Variants in EIF3H observed in about 807,000 individuals in gnomAD.
EIF3H encodes the protein eIF-3-gamma.
A neutral mutation model predicts 44.2 loss-of-function variants in EIF3H; 26 were observed. The ratio of observed to expected loss-of-function variants is 0.59; its 90% CI spans 0.43 to 0.82. The LOEUF (loss-of-function observed/expected upper bound fraction) is 0.82, where lower values mean the gene tolerates loss of function less well. Among genes scored for constraint, EIF3H ranks in the 40% least tolerant of loss-of-function variants. The pLI, the probability that EIF3H is intolerant of heterozygous loss-of-function variation, is 0.00. For missense variants in EIF3H, 359 were observed against 432.8 expected (o/e 0.83, Z 1.51); for synonymous variants, 166 against 151.9 (o/e 1.09, Z -0.68).
chr8:116,699,104 A>G (rs1814323978), intron 2 of EIF3H, among the ~76,000 whole-genome samples: 2 of 151,466 alleles, frequency 1.3e-5, no homozygotes, highest in South Asian at 2.1e-4. Context: ...TGCTGAGACC[A>G]TGCCCCAGCA....
At chr8:116,738,034 CAAAAA>C (rs750259420) in intron 1 of EIF3H, among the ~76,000 whole-genome samples, 2 of 68,504 alleles carry the variant, frequency 2.9e-5, no homozygotes, top group African/African-American at 1.0e-4. Flanking sequence ...GGCTCCATCT[CAAAAA>C]AAAAAAAAAA....
At chr8:116,737,428 G>T in intron 1 of EIF3H, 1 of 359,662 alleles carries the variant, frequency 2.8e-6, no homozygotes, top group South Asian at 2.2e-5. Context: ...GGCTGAGGCA[G>T]ACCGATTACC....
chr8:116,648,718 A>G, intron 6 of EIF3H, 88 bp downstream of exon 6: 2 of 1,434,766 alleles, frequency 1.4e-6, no homozygotes, highest in Non-Finnish European at 1.8e-6. Flanking sequence ...ATAATTTACC[A>G]AAGATAATTT....
intron 2 of EIF3H, among the ~76,000 whole-genome samples, chr8:116,722,770 C>T (rs933210903): frequency 3.9e-5 from 6 of 152,124 alleles, no homozygotes; most frequent in Admixed American, 3.9e-4. Flanking sequence ...AATCTACTCT[C>T]GCGAAGTCTA....
chr8:116,711,838 C>A (rs1814576932), intron 2 of EIF3H, among the ~76,000 whole-genome samples: 1 of 152,220 alleles, frequency 6.6e-6, no homozygotes, highest in Non-Finnish European at 1.5e-5. Flanking sequence ...AAGTCCTCCT[C>A]ATGCTTCTCA....
intron 6 of EIF3H, among the ~76,000 whole-genome samples, chr8:116,648,330 A>G (rs577405181): frequency 2.0e-5 from 3 of 152,224 alleles, no homozygotes; most frequent in African/African-American, 2.4e-5. Flanking sequence ...GAATATTCGG[A>G]TAATTCTAGG....
At chr8:116,696,795 T>C (rs1436197044) in intron 2 of EIF3H, among the ~76,000 whole-genome samples, 3 of 152,094 alleles carry the variant, frequency 2.0e-5, no homozygotes, top group Non-Finnish European at 4.4e-5. Context: ...AGGAATAAAA[T>C]CTAAATAATT....
intron 5 of EIF3H, among the ~76,000 whole-genome samples, 184 bp downstream of exon 5, chr8:116,655,672 T>C (rs1813476949): frequency 6.6e-6 from 1 of 152,194 alleles, no homozygotes; most frequent in Admixed American, 6.6e-5. Flanking sequence ...TTTCATGTTA[T>C]CAGTTTGGCG....
chr8:116,663,276 G>A (rs185392497), intron 2 of EIF3H, among the ~76,000 whole-genome samples: 58 of 152,284 alleles, frequency 3.8e-4, no homozygotes, highest in East Asian at 1.9e-4. Context: ...TCCTTGACTC[G>A]AAGTGCCAGC....
chr8:116,676,758 A>T (rs1191708477), intron 2 of EIF3H, among the ~76,000 whole-genome samples: 17 of 152,204 alleles, frequency 1.1e-4, no homozygotes. Flanking sequence ...TCTTTCTAGA[A>T]ACGTACTTAG....
rs536045422 is a variant in EIF3H, at chr8:116,706,843, C to T, written c.289+19173G>A. 2.6e-5 allele frequency among the ~76,000 whole-genome samples: 4 copies of T among 152,286 alleles called. 1 individual carries two copies. The highest frequency in any genetic ancestry group is 9.6e-5 in the African/African-American group (4 of 41,546). On this transcript the variant is annotated intron_variant, in intron 2 of 7. Coordinates refer to ENST00000521861, the MANE Select transcript of EIF3H (RefSeq NM_003756.3). ...TACAGGCATGAGCCACAGCACCCGG[C>T]CAACATTTTACTATAAAACAAGCTC...
intron 2 of EIF3H, among the ~76,000 whole-genome samples, chr8:116,713,161 T>C (rs1369505311): frequency 1.3e-5 from 2 of 152,268 alleles, no homozygotes; most frequent in East Asian, 3.9e-4. Flanking sequence ...GGAACAGTAA[T>C]TTAAGGATTA....
intron 2 of EIF3H, among the ~76,000 whole-genome samples, chr8:116,719,614 A>AC (rs1814711129): frequency 6.6e-6 from 1 of 152,224 alleles, no homozygotes; most frequent in Admixed American, 6.5e-5. Flanking sequence ...AATGGTTGTC[A>AC]GAAAATTTAT....
At chr8:116,712,774 A>G (rs960934916) in intron 2 of EIF3H, among the ~76,000 whole-genome samples, 10 of 152,108 alleles carry the variant, frequency 6.6e-5, no homozygotes, top group African/African-American at 2.4e-4. Flanking sequence ...CTTTACTGGC[A>G]TAACTAAGAT....
At chr8:116,746,360 C>T (rs1012693518) in intron 1 of EIF3H, among the ~76,000 whole-genome samples, 3 of 152,192 alleles carry the variant, frequency 2.0e-5, no homozygotes, top group African/African-American at 7.2e-5. Context: ...TTTGTACCCA[C>T]GTCTCCCCAT....
intron 1 of EIF3H, among the ~76,000 whole-genome samples, chr8:116,752,732 G>GA (rs753108369): frequency 0.035 from 3,782 of 108,908 alleles, 171 homozygotes; most frequent in East Asian, 0.07. Context: ...AAGAAAGAAA[G>GA]AAGAGAAAGA....
At position 116,648,789 on chromosome 8, in the gene EIF3H, T is replaced by A; in HGVS notation, c.828+17A>T. ...ACTTAGAAATAGCTGTTTGTTGAAT[T>A]TTTCCACAATACCAACCTGATGTTT... On this transcript the variant is annotated intron_variant, in intron 6 of 7. Transcript: ENST00000521861. 1.3e-6 allele frequency: 2 copies of A among 1,557,996 alleles called. No individual in the cohort carries two copies. The highest frequency in any genetic ancestry group is 1.7e-6 in the Non-Finnish European group (2 of 1,152,962).
Position 116,672,646 on chromosome 8 carries a change from GA to G in EIF3H, c.290-13667del, listed in dbSNP as rs921729997. The stretch of plus-strand genomic sequence containing the variant: ...CCCTATCTCTTAAAAAAGAAAAAAA[GA>G]AAAAAAAAACTTGAAACAGTGGTCA... On this transcript the variant is annotated intron_variant, in intron 2 of 7. Coordinates refer to ENST00000521861, the MANE Select transcript of EIF3H (RefSeq NM_003756.3). Among the ~76,000 whole-genome samples, 196 of 146,384 alleles carry G rather than the reference GA, an allele frequency of 1.3e-3. 1 individual carries two copies. The highest frequency in any genetic ancestry group is 1.4e-3 in the Non-Finnish European group (93 of 66,198).
intron 5 of EIF3H, among the ~76,000 whole-genome samples, chr8:116,650,537 A>G (rs190887283): frequency 1.3e-3 from 197 of 152,376 alleles, no homozygotes; most frequent in Non-Finnish European, 1.7e-3. Flanking sequence ...AAAATATTAT[A>G]TATCCATACA....
Sources: allele counts gnomAD v4.1 joint callset (sites outside exome capture counted in the v4.1 genomes callset), GRCh38; gene constraint gnomAD v4.1.1; transcripts MANE v1.5; gene names NCBI Gene and HGNC (gene_info 2026-07-23, HGNC 2026-07-21).